KALRN: variants seen among roughly 807,000 people sequenced by gnomAD.
KALRN encodes kalirin RhoGEF kinase.
A neutral mutation model predicts 353.7 loss-of-function variants in KALRN; 70 were observed. That is an observed-to-expected ratio of 0.20 (90% CI 0.16 to 0.24). The LOEUF (loss-of-function observed/expected upper bound fraction) is 0.24. Among genes scored for constraint, KALRN ranks in the 10% least tolerant of loss-of-function variants. KALRN has a pLI of 1.00. For missense variants in KALRN, 2,791 were observed against 3,756.7 expected (o/e 0.74, Z 6.72); for synonymous variants, 1,391 against 1,434.8 (o/e 0.97, Z 0.69).
chr3:124,218,067 T>A (rs751865), intron 1 of KALRN, among the ~76,000 whole-genome samples: 1 of 152,094 alleles, frequency 6.6e-6, no homozygotes, highest in Admixed American at 6.5e-5. Flanking sequence ...GAGGGTCCTC[T>A]GCCCTAAACT....
chr3:124,404,750 G>A (rs1438129098), intron 13 of KALRN, among the ~76,000 whole-genome samples: 1 of 151,012 alleles, frequency 6.6e-6, no homozygotes, highest in Non-Finnish European at 1.5e-5. Flanking sequence ...TGAAAAGTTG[G>A]GCAGGTAAGA....
intron 5 of KALRN, among the ~76,000 whole-genome samples, chr3:124,287,599 A>C (rs915550469): frequency 6.6e-6 from 1 of 151,044 alleles, no homozygotes; most frequent in African/African-American, 2.4e-5. Context: ...TTGGTTATTG[A>C]CCAATGCCTT....
chr3:124,290,326 A>C, intron 5 of KALRN, among the ~76,000 whole-genome samples: 1 of 152,208 alleles, frequency 6.6e-6, no homozygotes. Context: ...CACGAGGTCA[A>C]AGTGAGTGAG....
At chr3:124,073,285 T>C (rs1190309763) in intron 1 of KALRN, among the ~76,000 whole-genome samples, 2 of 152,240 alleles carry the variant, frequency 1.3e-5, no homozygotes, top group African/African-American at 4.8e-5. Context: ...TCAAGAACAA[T>C]GCCATCTGTG....
At position 124,134,254 on chromosome 3, in the gene KALRN, A is replaced by G. The variant is rs538273472; in HGVS notation, c.74-93736A>G. Among the ~76,000 whole-genome samples the G allele has an allele frequency of 5.3e-5, 8 of 152,346 alleles. No homozygotes were observed. In the East Asian group the frequency reaches 1.5e-3, roughly 29 times the overall value. ...TACTTACAACCAACTGATCTTTGAC[A>G]AAGCAAACAAAAACATAAAGTAGGG... On this transcript the variant is annotated intron_variant, in intron 1 of 59. Transcript: ENST00000682506.
intron 1 of KALRN, among the ~76,000 whole-genome samples, chr3:124,176,731 T>C (rs1189541468): frequency 1.3e-5 from 2 of 152,218 alleles, no homozygotes; most frequent in Non-Finnish European, 2.9e-5. Flanking sequence ...GCTCTGCTTG[T>C]CTGGTTTGTT....
intron 1 of KALRN, among the ~76,000 whole-genome samples, chr3:124,200,473 G>A (rs1005490592): frequency 1.3e-5 from 2 of 152,206 alleles, no homozygotes; most frequent in East Asian, 1.9e-4. Flanking sequence ...GCTCTCTGGG[G>A]TCTTTTTTAA....
At chr3:124,360,139 G>A (rs187204043) in intron 10 of KALRN, among the ~76,000 whole-genome samples, 1 of 152,360 alleles carries the variant, frequency 6.6e-6, no homozygotes, top group East Asian at 1.9e-4. Flanking sequence ...TTTGCACCTG[G>A]GAGGCTCTTA....
intron 1 of KALRN, among the ~76,000 whole-genome samples, chr3:124,034,162 C>T (rs1282506055): frequency 6.6e-6 from 1 of 152,170 alleles, no homozygotes; most frequent in African/African-American, 2.4e-5. Context: ...ACCGGCGTCC[C>T]GGCCCCTCCC....
At chr3:124,333,124 C>G (rs753424250) in intron 8 of KALRN, among the ~76,000 whole-genome samples, 10 of 152,168 alleles carry the variant, frequency 6.6e-5, no homozygotes, top group Non-Finnish European at 1.3e-4. Flanking sequence ...ACTATCAGAT[C>G]TCATGAGATT....
intron 34 of KALRN, among the ~76,000 whole-genome samples, chr3:124,627,160 T>C (rs1447257434): frequency 6.6e-6 from 1 of 152,210 alleles, no homozygotes; most frequent in Non-Finnish European, 1.5e-5. Context: ...ATGTTTCTAA[T>C]CTAAATGATG....
In KALRN at chr3:124,296,362, G is replaced by A. The variant is rs554391268; in HGVS notation, c.970-2429G>A. On this transcript the variant is annotated intron_variant, in intron 5 of 59. Coordinates refer to ENST00000682506, the MANE Select transcript of KALRN (RefSeq NM_001388419.1). ...ACTCAGGTGCCATGCCAGAAGCCTG[G>A]CTGTTCTCTCTAGCTCTTCCCCACC... 3.9e-5 allele frequency among the ~76,000 whole-genome samples: 6 copies of A among 152,232 alleles called. No individual in the cohort carries two copies. In the South Asian group the frequency reaches 1.0e-3, roughly 26 times the overall value.
chr3:124,383,023 CA>C (rs1049687727), intron 10 of KALRN, among the ~76,000 whole-genome samples: 21 of 152,328 alleles, frequency 1.4e-4, no homozygotes, highest in African/African-American at 3.1e-4. Context: ...CAGTTGGGGC[CA>C]AGTGATTTTT....
In KALRN at chr3:124,362,895, A is replaced by G. The variant is rs76122443; in HGVS notation, c.1770+15630A>G. On this transcript the variant is annotated intron_variant, in intron 10 of 59. Transcript: ENST00000682506. ...AAGGTCAGTTTCATTTGCTTAAAAA[A>G]ATACAGCTAAGAGAATAGGATTATT... 4.9e-3 allele frequency among the ~76,000 whole-genome samples: 747 copies of G among 152,336 alleles called. 4 individuals are homozygous for G. The highest frequency in any genetic ancestry group is 0.017 in the African/African-American group (712 of 41,568).
At chr3:124,492,631 A>G in intron 31 of KALRN, 109 bp from the exon 32 acceptor site, 1 of 1,191,896 alleles carries the variant, frequency 8.4e-7, no homozygotes. Context: ...CTCCCCAGAC[A>G]TTTGGAATCC....
At chr3:124,375,282 C>T (rs192416586) in intron 10 of KALRN, among the ~76,000 whole-genome samples, 16 of 152,294 alleles carry the variant, frequency 1.1e-4, no homozygotes, top group East Asian at 5.8e-4. Context: ...GCATAGCGCA[C>T]GCCTCATTTT....
chr3:124,671,144 T>C (rs2086382995), intron 47 of KALRN, among the ~76,000 whole-genome samples: 1 of 152,244 alleles, frequency 6.6e-6, no homozygotes, highest in South Asian at 2.1e-4. Flanking sequence ...TCTCTGATGA[T>C]AGAATCTCAA....
chr3:124,541,140 G>C (rs1290015293), intron 33 of KALRN, among the ~76,000 whole-genome samples: 1 of 152,124 alleles, frequency 6.6e-6, no homozygotes, highest in African/African-American at 2.4e-5. Context: ...GTGTATATGT[G>C]TTTTGTTTTA....
At chr3:124,528,398 C>T (rs1289300293) in intron 33 of KALRN, among the ~76,000 whole-genome samples, 3 of 152,306 alleles carry the variant, frequency 2.0e-5, no homozygotes, top group Admixed American at 6.5e-5. Context: ...GCCATGACAG[C>T]AGGAATATGG....
Sources: allele counts gnomAD v4.1 joint callset (sites outside exome capture counted in the v4.1 genomes callset), GRCh38; gene constraint gnomAD v4.1.1; transcripts MANE v1.5; gene names NCBI Gene and HGNC (gene_info 2026-07-23, HGNC 2026-07-21).